ABI2: variants seen among roughly 807,000 people sequenced by gnomAD.
ABI2 encodes abl interactor 2.
A neutral mutation model predicts 59.2 loss-of-function variants in ABI2; 25 were observed. That is an observed-to-expected ratio of 0.42 (90% CI 0.31 to 0.59). ABI2 has a LOEUF of 0.59. Among genes scored for constraint, ABI2 ranks in the 20% least tolerant of loss-of-function variants. ABI2 has a pLI of 0.14. For missense variants in ABI2, 545 were observed against 681.8 expected (o/e 0.80, Z 2.23); for synonymous variants, 213 against 235.5 (o/e 0.90, Z 0.87).
chr2:203,352,182 G>A (rs1042852246), intron 1 of ABI2, among the ~76,000 whole-genome samples: 1 of 152,198 alleles, frequency 6.6e-6, no homozygotes, highest in Non-Finnish European at 1.5e-5. Context: ...CAGGCTGGGT[G>A]GGGTGCTGCC....
chr2:203,378,384 T>A (rs932708044), intron 2 of ABI2, among the ~76,000 whole-genome samples: 3 of 152,246 alleles, frequency 2.0e-5, no homozygotes, highest in African/African-American at 4.8e-5. Context: ...GTGCTGGGAT[T>A]ATAGGCGTGA....
At chr2:203,345,831 G>A (rs547287255) in intron 1 of ABI2, among the ~76,000 whole-genome samples, 7 of 151,750 alleles carry the variant, frequency 4.6e-5, no homozygotes, top group Admixed American at 1.3e-4. Flanking sequence ...CAGGCGTGAG[G>A]CACTGTGCCC....
At chr2:203,345,245 A>G (rs1355492496) in intron 1 of ABI2, among the ~76,000 whole-genome samples, 2 of 152,138 alleles carry the variant, frequency 1.3e-5, no homozygotes, top group Admixed American at 6.5e-5. Context: ...CAGACACGCC[A>G]TTTTGAGAGC....
intron 1 of ABI2, among the ~76,000 whole-genome samples, chr2:203,344,608 G>A (rs1450874787): frequency 6.6e-6 from 1 of 151,510 alleles, no homozygotes; most frequent in Non-Finnish European, 1.5e-5. Context: ...TATTGCCCAG[G>A]CTGTAGTACA....
chr2:203,385,569 T>C (rs2096468141), intron 4 of ABI2, among the ~76,000 whole-genome samples: 1 of 152,250 alleles, frequency 6.6e-6, no homozygotes, highest in African/African-American at 2.4e-5. Flanking sequence ...TGTTTTCACT[T>C]GAGTACTATT....
chr2:203,390,055 C>T (rs535265296), intron 4 of ABI2, among the ~76,000 whole-genome samples: 1 of 152,172 alleles, frequency 6.6e-6, no homozygotes, highest in Non-Finnish European at 1.5e-5. Context: ...GCCTGTGGCC[C>T]TTGTGCTGCT....
chr2:203,353,873 A>AT (rs1429913757), intron 1 of ABI2, among the ~76,000 whole-genome samples: 5 of 152,002 alleles, frequency 3.3e-5, no homozygotes, highest in Admixed American at 3.3e-4. Flanking sequence ...CCATATTGCT[A>AT]TTTTTTGAGA....
intron 4 of ABI2, among the ~76,000 whole-genome samples, chr2:203,383,895 T>C (rs1010217241): frequency 1.3e-5 from 2 of 152,176 alleles, no homozygotes; most frequent in Non-Finnish European, 2.9e-5. Context: ...CTTTTTGAGC[T>C]CTGTCTTTGC....
chr2:203,396,076 G>A (rs1364018989), intron 7 of ABI2, among the ~76,000 whole-genome samples: 1 of 152,140 alleles, frequency 6.6e-6, no homozygotes. Flanking sequence ...GCAGTCTTTG[G>A]ACACAGTGGG....
At chr2:203,362,208 G>A (rs1029305348) in intron 1 of ABI2, among the ~76,000 whole-genome samples, 6 of 152,160 alleles carry the variant, frequency 3.9e-5, no homozygotes, top group African/African-American at 1.4e-4. Flanking sequence ...TACAGATAAT[G>A]TGACATCCAG....
intron 1 of ABI2, among the ~76,000 whole-genome samples, chr2:203,333,534 G>A (rs2074977643): frequency 6.6e-6 from 1 of 152,166 alleles, no homozygotes; most frequent in Admixed American, 6.6e-5. Flanking sequence ...AGGAGACTGA[G>A]TAGAATTTGG....
chr2:203,328,560 C>T lies in ABI2; in HGVS notation c.46C>T (p.Arg16Cys). The T allele has an allele frequency of 1.2e-6, 2 of 1,605,598 alleles. No individual in the cohort carries two copies. The highest frequency in any genetic ancestry group is 1.7e-5 in the Admixed American group (1 of 59,498). The change falls in exon 1 of 12, where the codon CGC (arginine) becomes TGC (cysteine). Residue 16 changes from arginine (R) to cysteine (C), a missense_variant. This residue lies in a region of ABI2 where 55 missense variants were observed against 59.7 expected (regional missense o/e 0.92). Coordinates refer to ENST00000261018, the MANE Select transcript of ABI2 (RefSeq NM_001375670.1). ...GCTGGAAGAGGAAATCCCGGGGGGC[C>T]GCCGGGCCCTCTTCGACAGCTACAC... Reference protein sequence around the residue: ...MLLEEEIPGGRRALFDSYTNL... With the variant: ...MLLEEEIPGGCRALFDSYTNL...
chr2:203,392,316 A>ACT (rs1559313260), intron 5 of ABI2, among the ~76,000 whole-genome samples: 13 of 115,108 alleles, frequency 1.1e-4, no homozygotes, highest in African/African-American at 4.3e-4. Flanking sequence ...CACCACCACC[A>ACT]ACAACAACAA....
At position 203,429,354 on chromosome 2, in the gene ABI2, A is replaced by G. The variant is rs1022806945; in HGVS notation, c.*2002A>G. The G allele has an allele frequency of 1.3e-5, 2 of 152,230 alleles. No homozygotes were observed. Among genetic ancestry groups the G allele is most frequent in the Non-Finnish European group, 1.5e-5 (1 of 68,042 alleles). The allele number at this position is 152,230 out of a possible 1,614,324, so 9.4% of individuals were successfully genotyped here. On this transcript the variant is annotated 3_prime_UTR_variant, in exon 12 of 12. Coordinates refer to ENST00000261018, the MANE Select transcript of ABI2 (RefSeq NM_001375670.1). ...TAAGCTCTTCTTCGTGTACTGGTCT[A>G]TAATTAGAAAAACTGTTTTAAATTA...
intron 9 of ABI2, among the ~76,000 whole-genome samples, chr2:203,404,096 A>C (rs748833078): frequency 6.6e-6 from 1 of 151,952 alleles, no homozygotes; most frequent in Non-Finnish European, 1.5e-5. Context: ...ATATTTAAAA[A>C]ATTTTTCTCT....
intron 1 of ABI2, among the ~76,000 whole-genome samples, chr2:203,361,389 C>A (rs1429640610): frequency 6.6e-6 from 1 of 152,052 alleles, no homozygotes; most frequent in African/African-American, 2.4e-5. Flanking sequence ...GTCCCAGCTG[C>A]TTGGGAGGCA....
intron 11 of ABI2, among the ~76,000 whole-genome samples, chr2:203,420,554 C>T (rs1580804411): frequency 2.6e-5 from 4 of 152,066 alleles, no homozygotes; most frequent in East Asian, 1.9e-4. Flanking sequence ...CCAGCACACC[C>T]GGCTAATTTT....
At chr2:203,348,217 G>A (rs1383376356) in intron 1 of ABI2, among the ~76,000 whole-genome samples, 1 of 152,096 alleles carries the variant, frequency 6.6e-6, no homozygotes, top group African/African-American at 2.4e-5. Flanking sequence ...CTGTAGCCTG[G>A]GGGACAGAGC....
chr2:203,334,809 C>T (rs753521975), intron 1 of ABI2, among the ~76,000 whole-genome samples: 12 of 151,902 alleles, frequency 7.9e-5, no homozygotes, highest in Non-Finnish European at 1.2e-4. Flanking sequence ...TACAGGTGCA[C>T]GCCACCACGC....
Sources: gnomAD v4.1 joint callset for allele counts (sites outside exome capture counted in the v4.1 genomes callset) on GRCh38, gnomAD v4.1.1 for gene constraint, gnomAD v4.1.1 regional missense constraint, MANE v1.5 for transcripts, NCBI Gene and HGNC (gene_info 2026-07-23, HGNC 2026-07-21) for gene names.